CCDC171: variants seen among roughly 807,000 people sequenced by gnomAD.
The protein encoded by CCDC171 is coiled-coil domain containing 171, also known as coiled-coil domain-containing protein 171.
A neutral mutation model predicts 168.2 loss-of-function variants in CCDC171; 177 were observed. That is an observed-to-expected ratio of 1.05 (90% confidence interval 0.93 to 1.19). The LOEUF (loss-of-function observed/expected upper bound fraction) is 1.19. Among genes scored for constraint, CCDC171 ranks in the 50% most tolerant of loss-of-function variants. CCDC171 has a pLI of 0.00. For missense variants in CCDC171, 1,991 were observed against 1,539.0 expected (o/e 1.29, Z -4.91); for synonymous variants, 687 against 540.8 (o/e 1.27, Z -3.75).
intron 3 of CCDC171, among the ~76,000 whole-genome samples, chr9:15,992,287 A>T (rs1396958739): frequency 1.3e-5 from 2 of 152,190 alleles, no homozygotes; most frequent in East Asian, 1.9e-4. Flanking sequence ...ACACAAATCA[A>T]TAAACGTAAT....
At position 15,599,700 on chromosome 9, in the gene CCDC171, T is replaced by G. The variant is rs564434978; in HGVS notation, c.675+5528T>G. Among the ~76,000 whole-genome samples, 7 of 152,290 alleles carry G rather than the reference T, an allele frequency of 4.6e-5. No homozygotes were observed. In the East Asian group the frequency reaches 5.8e-4, roughly 13 times the overall value. On this transcript the variant is annotated intron_variant, in intron 6 of 25. Coordinates refer to ENST00000380701, the MANE Select transcript of CCDC171 (RefSeq NM_173550.4). ...CTTGAATCTGAATGTTGGCCTGCCTTGCTAGATTGGGGAAGTTCTCCTGGA... is the reference window on the plus strand; with the variant it reads ...CTTGAATCTGAATGTTGGCCTGCCTGGCTAGATTGGGGAAGTTCTCCTGGA...
chr9:15,810,041 A>C (rs1002639979), intron 21 of CCDC171, among the ~76,000 whole-genome samples: 1 of 152,224 alleles, frequency 6.6e-6, no homozygotes, highest in Non-Finnish European at 1.5e-5. Context: ...TAGATGAGCT[A>C]GACACAGAGC....
At chr9:15,557,817 G>T (rs550085418) in intron 1 of CCDC171, among the ~76,000 whole-genome samples, 1 of 152,076 alleles carries the variant, frequency 6.6e-6, no homozygotes, top group Admixed American at 6.6e-5. Flanking sequence ...TCTTGTGCCA[G>T]TTTTCAAAGG....
At chr9:15,900,406 T>G (rs1466464406) in intron 24 of CCDC171, among the ~76,000 whole-genome samples, 2 of 152,160 alleles carry the variant, frequency 1.3e-5, no homozygotes, top group Non-Finnish European at 2.9e-5. Context: ...TTTTTCACAA[T>G]GGCAAGTAAG....
intron 18 of CCDC171, among the ~76,000 whole-genome samples, chr9:15,762,541 C>T (rs998279507): frequency 2.0e-5 from 3 of 152,032 alleles, no homozygotes; most frequent in African/African-American, 7.2e-5. Context: ...GTTCCTTAGG[C>T]TAAGAGTAGA....
chr9:15,869,513 G>GT (rs72548935), intron 23 of CCDC171, among the ~76,000 whole-genome samples: 42,871 of 147,892 alleles, frequency 0.29, 7,669 homozygotes, highest in East Asian at 0.63. Context: ...AAAGCGTAGT[G>GT]TTTTTTTTTT....
At chr9:15,887,272 G>T (rs762981213) in intron 24 of CCDC171, among the ~76,000 whole-genome samples, 1 of 152,094 alleles carries the variant, frequency 6.6e-6, no homozygotes, top group Non-Finnish European at 1.5e-5. Flanking sequence ...TTTCATTTGA[G>T]TTTGCATAGT....
At chr9:16,057,119 G>C (rs765603647) in intron 1 of CCDC171, among the ~76,000 whole-genome samples, 1 of 152,172 alleles carries the variant, frequency 6.6e-6, no homozygotes, top group African/African-American at 2.4e-5. Context: ...TGTTATGAAT[G>C]ACATCCTTTT....
chr9:15,724,763 G>A lies in CCDC171; in HGVS notation c.1492-13G>A, dbSNP rs753027334. 2.8e-5 allele frequency: 44 copies of A among 1,599,360 alleles called. 1 individual carries two copies. The Middle Eastern group carries it at 2.2e-3, about 79-fold the overall frequency. On this transcript the variant is annotated splice_polypyrimidine_tract_variant and intron_variant, in intron 13 of 25. Transcript: ENST00000380701. ...GGCCTTTCTACAATCTCTTTATTTG[G>A]TATCTATGACAGGAACTTCAGGATA...
intron 1 of CCDC171, among the ~76,000 whole-genome samples, chr9:16,045,684 T>C (rs1318076558): frequency 1.3e-5 from 2 of 152,168 alleles, no homozygotes; most frequent in Non-Finnish European, 2.9e-5. Context: ...AGAGCAGCAC[T>C]TGGGGAGGCT....
At chr9:16,084,322 A>C in the CCDC171 span, among the ~76,000 whole-genome samples, 17 of 152,136 alleles carry the variant, frequency 1.1e-4, no homozygotes, top group Admixed American at 3.9e-4. Flanking sequence ...CCTGTACCTT[A>C]GATACCCAAG....
At chr9:15,766,830 G>A (rs1034989245) in intron 18 of CCDC171, among the ~76,000 whole-genome samples, 5 of 151,860 alleles carry the variant, frequency 3.3e-5, no homozygotes, top group African/African-American at 1.2e-4. Flanking sequence ...TGATTTCTAA[G>A]GTTTGTTTTT....
chr9:15,964,691 T>C (rs964571721), intron 25 of CCDC171, among the ~76,000 whole-genome samples: 16 of 152,178 alleles, frequency 1.1e-4, no homozygotes, highest in Non-Finnish European at 1.9e-4. Flanking sequence ...ATGGGACATA[T>C]TGTCTTGTCA....
chr9:15,916,606 CA>C (rs1024189408), intron 24 of CCDC171, among the ~76,000 whole-genome samples: 17 of 151,928 alleles, frequency 1.1e-4, no homozygotes, highest in African/African-American at 4.1e-4. Context: ...TCCTGATGTT[CA>C]AATTTGAAGT....
intron 16 of CCDC171, among the ~76,000 whole-genome samples, chr9:15,730,630 TATAA>T (rs1478845411): frequency 1.3e-5 from 2 of 151,810 alleles, no homozygotes; most frequent in African/African-American, 4.8e-5. Flanking sequence ...AACCAAACTA[TATAA>T]ATATATATAC....
chr9:16,055,999 G>A (rs1833832978), intron 1 of CCDC171, among the ~76,000 whole-genome samples: 1 of 152,168 alleles, frequency 6.6e-6, no homozygotes, highest in Non-Finnish European at 1.5e-5. Context: ...TTTCTGAGAA[G>A]GAGGCAACAA....
In CCDC171 at chr9:15,794,891, T is replaced by A. The variant is rs945374604; in HGVS notation, c.3267+10197T>A. Among the ~76,000 whole-genome samples, 6 of 152,356 alleles carry A rather than the reference T, an allele frequency of 3.9e-5. 1 individual carries two copies. The highest frequency in any genetic ancestry group is 3.9e-4 in the Admixed American group (6 of 15,308). The stretch of plus-strand genomic sequence containing the variant: ...TAATTTTTCACTTGGGACTTTTAGA[T>A]CTGTAGTCTTAATTGGAATTGTCTT... On this transcript the variant is annotated intron_variant, in intron 21 of 25. Coordinates refer to ENST00000380701, the MANE Select transcript of CCDC171 (RefSeq NM_173550.4).
chr9:15,634,312 A>G (rs1028148190), intron 7 of CCDC171, among the ~76,000 whole-genome samples: 3 of 152,064 alleles, frequency 2.0e-5, no homozygotes, highest in Non-Finnish European at 2.9e-5. Context: ...AAACATTACA[A>G]TCTATAGGTC....
intron 3 of CCDC171, among the ~76,000 whole-genome samples, chr9:16,004,666 A>G (rs923579323): frequency 1.3e-5 from 2 of 152,154 alleles, no homozygotes; most frequent in Admixed American, 6.6e-5. Context: ...ACCGCCACAT[A>G]TTTCTACTAG....
Sources: allele counts gnomAD v4.1 joint callset (sites outside exome capture counted in the v4.1 genomes callset), GRCh38; gene constraint gnomAD v4.1.1; transcripts MANE v1.5; gene names NCBI Gene and HGNC (gene_info 2026-07-23, HGNC 2026-07-21).